Variants in MAP3K2 observed in about 807,000 individuals in gnomAD.
MAP3K2 encodes MAP/ERK kinase kinase 2.
Under a neutral mutation model 80.3 loss-of-function variants are expected in MAP3K2, and 24 were observed. The observed-to-expected ratio is 0.30, with a 90% CI of 0.22 to 0.42. MAP3K2 has a LOEUF of 0.42. Ranked by LOEUF, MAP3K2 falls within the 10% of genes least tolerant of loss-of-function variation. The pLI, the probability that MAP3K2 is intolerant of heterozygous loss-of-function variation, is 1.00. For synonymous variants in MAP3K2, 244 were observed against 253.7 expected (o/e 0.96, Z 0.36); for missense variants, 608 against 750.1 (o/e 0.81, Z 2.21).
Position 127,337,011 on chromosome 2 carries a change from T to C in MAP3K2, c.164+727A>G, listed in dbSNP as rs145640859. Among the ~76,000 whole-genome samples the C allele has an allele frequency of 2.3e-3, 354 of 152,190 alleles. 1 individual carries two copies. The highest frequency in any genetic ancestry group is 7.7e-3 in the African/African-American group (321 of 41,544). On this transcript the variant is annotated intron_variant, in intron 4 of 16. Transcript: ENST00000682094. ...ACGAAAATTAGCCAGGCATGGTGGC[T>C]GTTGCCTGCAATCCCAGCTACTCAG... is the stretch of plus-strand genomic sequence containing the variant.
chr2:127,351,930 G>A lies in MAP3K2; in HGVS notation c.-65-8736C>T, dbSNP rs539201199. ...CTTGCTTTGTCACCCAGGCTAGAGCGCAGTGGCACAATCATGGCTCGCTGC... is the reference window on the plus strand; with the variant it reads ...CTTGCTTTGTCACCCAGGCTAGAGCACAGTGGCACAATCATGGCTCGCTGC... On this transcript the variant is annotated intron_variant, in intron 1 of 16. Coordinates refer to ENST00000682094, the MANE Select transcript of MAP3K2 (RefSeq NM_001371910.2). Among the ~76,000 whole-genome samples, 168 of 151,598 alleles carry A rather than the reference G, an allele frequency of 1.1e-3. 1 individual carries two copies. Among genetic ancestry groups the A allele is most frequent in the African/African-American group, 3.9e-3 (161 of 41,224 alleles).
At chr2:127,338,457 T>G (rs1386235214) in intron 3 of MAP3K2, among the ~76,000 whole-genome samples, 1 of 152,156 alleles carries the variant, frequency 6.6e-6, no homozygotes, top group Non-Finnish European at 1.5e-5. Flanking sequence ...ACCCATTAGT[T>G]ATTTTTCCTG....
intron 1 of MAP3K2, among the ~76,000 whole-genome samples, chr2:127,361,486 T>C (rs926634217): frequency 2.0e-5 from 3 of 152,142 alleles, no homozygotes; most frequent in African/African-American, 4.8e-5. Context: ...TCATACCACA[T>C]ATGTAATCTC....
intron 1 of MAP3K2, among the ~76,000 whole-genome samples, chr2:127,358,306 C>T (rs1253654981): frequency 1.3e-5 from 2 of 152,208 alleles, no homozygotes; most frequent in African/African-American, 2.4e-5. Flanking sequence ...TACCGTGCAA[C>T]TAAAATGCTC....
intron 1 of MAP3K2, among the ~76,000 whole-genome samples, chr2:127,348,999 T>TA (rs773432371): frequency 4.6e-5 from 7 of 152,180 alleles, no homozygotes; most frequent in Non-Finnish European, 5.9e-5. Flanking sequence ...AAAACAACCA[T>TA]GTTATCCTTG....
Position 127,350,508 on chromosome 2 carries a change from A to T in MAP3K2, c.-65-7314T>A, listed in dbSNP as rs893606540. On this transcript the variant is annotated intron_variant, in intron 1 of 16. Coordinates refer to ENST00000682094, the MANE Select transcript of MAP3K2 (RefSeq NM_001371910.2). ...ACCATGAGTCCATAAAAACAAAGAT[A>T]AACAAATAAATCAACAATGGGAGGA... 2.3e-4 allele frequency among the ~76,000 whole-genome samples: 35 copies of T among 151,874 alleles called. 1 individual carries two copies. The highest frequency in any genetic ancestry group is 2.3e-3 in the Admixed American group (35 of 15,276).
At chr2:127,365,532 TG>T (rs1472452566) in intron 1 of MAP3K2, among the ~76,000 whole-genome samples, 5 of 152,128 alleles carry the variant, frequency 3.3e-5, no homozygotes, top group African/African-American at 1.2e-4. Flanking sequence ...GCCAGCCGAC[TG>T]CGCAGCTCTC....
chr2:127,332,278 G>A (rs961101088), intron 5 of MAP3K2, among the ~76,000 whole-genome samples: 1 of 152,200 alleles, frequency 6.6e-6, no homozygotes, highest in Admixed American at 6.5e-5. Flanking sequence ...GGTAATGACT[G>A]TTCCGCCGAT....
intron 14 of MAP3K2, among the ~76,000 whole-genome samples, chr2:127,316,411 TTAAA>T (rs1685906112): frequency 6.6e-6 from 1 of 152,194 alleles, no homozygotes; most frequent in African/African-American, 2.4e-5. Context: ...GCATGTATTT[TTAAA>T]TAAGTAAACA....
In MAP3K2 at chr2:127,300,138, G is replaced by C. The variant is rs987545650; in HGVS notation, c.*7441C>G. 5.3e-5 allele frequency: 8 copies of C among 152,230 alleles called. No individual in the cohort carries two copies. Among genetic ancestry groups the C allele is most frequent in the African/African-American group, 1.9e-4 (8 of 41,562 alleles). 9.4% of individuals were successfully genotyped at this position (152,230 alleles called of 1,614,324 possible). ...AAAAGGTCCATTTAAGTCAGTAATA[G>C]CAGTGCAGTAACTGATGGCTACATC... On this transcript the variant is annotated 3_prime_UTR_variant, in exon 17 of 17. Transcript: ENST00000682094.
At chr2:127,308,017 CGGTT>C (rs2104803122) in intron 16 of MAP3K2, among the ~76,000 whole-genome samples, 1 of 152,136 alleles carries the variant, frequency 6.6e-6, no homozygotes, top group Non-Finnish European at 1.5e-5. Flanking sequence ...TTAATTCAAA[CGGTT>C]GGGCAAAGAA....
chr2:127,342,771 AAG>A (rs1179931351), intron 2 of MAP3K2, among the ~76,000 whole-genome samples: 1 of 152,232 alleles, frequency 6.6e-6, no homozygotes, highest in African/African-American at 2.4e-5. Flanking sequence ...ATATACGACC[AAG>A]AGTTGTATAA....
Position 127,305,495 on chromosome 2 carries a change from G to A in MAP3K2, c.*2084C>T, listed in dbSNP as rs551459963. On this transcript the variant is annotated 3_prime_UTR_variant, in exon 17 of 17. Transcript: ENST00000682094. ...GTGGAATTTCAAATATTCCTACAGGGAATGCTAGGTAGGACCTTGGCACAG... is the reference window on the plus strand; with the variant it reads ...GTGGAATTTCAAATATTCCTACAGGAAATGCTAGGTAGGACCTTGGCACAG... 6.6e-6 allele frequency: 1 copy of A among 152,166 alleles called. No homozygotes were observed. Among genetic ancestry groups the A allele is most frequent in the Admixed American group, 6.5e-5 (1 of 15,278 alleles). The allele number at this position is 152,166 out of a possible 1,614,324, so 9.4% of individuals were successfully genotyped here. A position where few individuals can be genotyped will look rare whatever the true frequency, so the allele number is the denominator to read the frequency against.
At chr2:127,373,933 T>C (rs1010059617) in intron 1 of MAP3K2, among the ~76,000 whole-genome samples, 3 of 152,356 alleles carry the variant, frequency 2.0e-5, no homozygotes, top group African/African-American at 7.2e-5. Context: ...ACAGGCCTTA[T>C]AGGGCATACC....
Position 127,317,671 on chromosome 2 carries a change from G to A in MAP3K2, c.1284C>T (p.Pro428=), listed in dbSNP as rs569563532. ...TAAATATGGAAAGTGTTTTTTCCTG[G>A]GGATCCCTCAAACAGCCATAATACT... is the stretch of plus-strand genomic sequence containing the variant. ...IVQYYGCLRD[P]QEKTLSIFME... Residue 428 remains proline (P), a synonymous_variant, in exon 14 of 17, where the codon CCC becomes CCT. Transcript: ENST00000682094. The A allele has an allele frequency of 2.8e-5, 44 of 1,587,370 alleles. No individual in the cohort carries two copies. Among genetic ancestry groups the A allele is most frequent in the South Asian group, 5.7e-5 (5 of 87,076 alleles).
rs542891498 is a variant in MAP3K2 at position 127,319,168 on chromosome 2, G to C, written c.1046-851C>G. On this transcript the variant is annotated intron_variant, in intron 12 of 16. Transcript: ENST00000682094. ...GAAACGAGAGCCTTCAGCCGCTGGA[G>C]AAAGCAGCAAACCCTGTCACCCCTG... Among the ~76,000 whole-genome samples the C allele has an allele frequency of 4.8e-4, 70 of 146,912 alleles. No individual in the cohort carries two copies. In the South Asian group the frequency reaches 0.011, roughly 22 times the overall value.
chr2:127,367,988 A>G (rs1399598704), intron 1 of MAP3K2, among the ~76,000 whole-genome samples: 1 of 152,216 alleles, frequency 6.6e-6, no homozygotes, highest in African/African-American at 2.4e-5. Context: ...AGGACCCCAT[A>G]GATAACAAAA....
intron 1 of MAP3K2, among the ~76,000 whole-genome samples, chr2:127,374,623 C>T (rs1397344429): frequency 6.6e-6 from 1 of 152,212 alleles, no homozygotes; most frequent in African/African-American, 2.4e-5. Context: ...TACACGCATC[C>T]CTGAATTTGG....
intron 2 of MAP3K2, among the ~76,000 whole-genome samples, chr2:127,340,601 G>A (rs1573992565): frequency 6.6e-6 from 1 of 151,092 alleles, no homozygotes; most frequent in African/African-American, 2.4e-5. Context: ...AGGTTGCAGC[G>A]AGCTGAGATT....
Sources: gnomAD v4.1 joint callset for allele counts (sites outside exome capture counted in the v4.1 genomes callset) on GRCh38, gnomAD v4.1.1 for gene constraint, MANE v1.5 for transcripts, NCBI Gene and HGNC (gene_info 2026-07-23, HGNC 2026-07-21) for gene names.